NTM: variants seen among roughly 807,000 people sequenced by gnomAD.
NTM encodes the protein neurotrimin, also known as IgLON family member 2.
In NTM, 13 loss-of-function variants were observed where a neutral mutation model predicts 42.1. The observed-to-expected ratio is 0.31, with a 90% CI of 0.20 to 0.49. NTM has a LOEUF of 0.49. NTM is among the 20% of genes least tolerant of loss of function. The probability of loss-of-function intolerance (pLI) is 0.99; values close to 1 mark genes in which losing one functional copy is unlikely to be tolerated. For missense variants in NTM, 373 were observed against 452.8 expected (o/e 0.82, Z 1.60); for synonymous variants, 187 against 179.2 (o/e 1.04, Z -0.35).
intron 2 of NTM, among the ~76,000 whole-genome samples, chr11:132,113,058 T>G (rs1238444161): frequency 6.6e-6 from 1 of 152,108 alleles, no homozygotes; most frequent in Non-Finnish European, 1.5e-5. Context: ...CCAGTCATCC[T>G]CTCCTAGGTA....
intron 7 of NTM, among the ~76,000 whole-genome samples, chr11:132,321,012 A>G (rs7950517): frequency 0.011 from 1,660 of 147,250 alleles, 31 homozygotes; most frequent in African/African-American, 0.041. Context: ...CATCCACACC[A>G]AAAACCCATC....
intron 3 of NTM, among the ~76,000 whole-genome samples, chr11:132,149,987 T>A (rs2071490894): frequency 6.6e-6 from 1 of 152,192 alleles, no homozygotes; most frequent in Admixed American, 6.5e-5. Flanking sequence ...TGCATTACTA[T>A]AAAGGAATGC....
At chr11:132,209,812 G>A (rs983592700) in intron 3 of NTM, among the ~76,000 whole-genome samples, 1 of 152,146 alleles carries the variant, frequency 6.6e-6, no homozygotes, top group African/African-American at 2.4e-5. Flanking sequence ...TCAGCAACAA[G>A]GGCATGGGGA....
intron 1 of NTM, among the ~76,000 whole-genome samples, chr11:131,874,030 A>ATATATATATTTATATATATATATATATAT (rs1555162935): frequency 1.3e-5 from 1 of 76,632 alleles, no homozygotes; most frequent in Non-Finnish European, 2.9e-5. Context: ...AATATAATAT[A>ATATATATATTTATATATATATATATATAT]ATATATATAT....
intron 2 of NTM, among the ~76,000 whole-genome samples, chr11:132,065,042 A>G (rs2081236747): frequency 6.6e-6 from 1 of 152,190 alleles, no homozygotes; most frequent in South Asian, 2.1e-4. Flanking sequence ...GGTTAGGGGA[A>G]TGGCACATTC....
intron 1 of NTM, among the ~76,000 whole-genome samples, chr11:131,768,509 AC>A (rs1400823342): frequency 2.0e-5 from 3 of 152,220 alleles, no homozygotes. Context: ...TGTGATCCAT[AC>A]ATCAGGGTGA....
At chr11:132,211,475 T>A (rs750321151) in intron 3 of NTM, among the ~76,000 whole-genome samples, 2 of 152,182 alleles carry the variant, frequency 1.3e-5, no homozygotes, top group Non-Finnish European at 2.9e-5. Flanking sequence ...CCAAATACTT[T>A]ATGCCCAGAC....
At chr11:132,216,700 C>A (rs893142588) in intron 4 of NTM, among the ~76,000 whole-genome samples, 2 of 152,200 alleles carry the variant, frequency 1.3e-5, no homozygotes, top group East Asian at 1.9e-4. Flanking sequence ...TGCCTAGCAC[C>A]TAGGAAGTGT....
At chr11:131,677,450 T>C (rs564148824) in intron 1 of NTM, among the ~76,000 whole-genome samples, 3 of 152,166 alleles carry the variant, frequency 2.0e-5, no homozygotes, top group African/African-American at 7.2e-5. Context: ...TAGAACTGCA[T>C]AGTGAGATTG....
intron 4 of NTM, among the ~76,000 whole-genome samples, chr11:132,248,717 C>T (rs997249224): frequency 1.3e-5 from 2 of 152,230 alleles, no homozygotes; most frequent in Non-Finnish European, 2.9e-5. Context: ...AAAGCAATTT[C>T]AGCTGAAGGC....
intron 2 of NTM, among the ~76,000 whole-genome samples, chr11:132,114,390 G>C (rs373568579): frequency 6.6e-6 from 1 of 152,170 alleles, no homozygotes; most frequent in Non-Finnish European, 1.5e-5. Context: ...CCACGAGAGG[G>C]CAATGCAGGG....
intron 1 of NTM, among the ~76,000 whole-genome samples, chr11:131,565,971 G>A (rs1400684327): frequency 6.6e-6 from 1 of 152,124 alleles, no homozygotes; most frequent in East Asian, 1.9e-4. Context: ...GAAAACACTG[G>A]GTTTTAGAAA....
intron 1 of NTM, among the ~76,000 whole-genome samples, chr11:131,398,002 A>T (rs1944745978): frequency 6.6e-6 from 1 of 152,218 alleles, no homozygotes; most frequent in African/African-American, 2.4e-5. Flanking sequence ...ATTCTTTCAA[A>T]GGTTGTATCA....
chr11:131,577,552 C>T (rs765216039), intron 1 of NTM, among the ~76,000 whole-genome samples: 21 of 152,162 alleles, frequency 1.4e-4, no homozygotes, highest in Non-Finnish European at 2.2e-4. Context: ...TTGCATTTCA[C>T]TTTTTCAAGA....
intron 2 of NTM, among the ~76,000 whole-genome samples, chr11:132,138,115 C>T (rs73036005): frequency 4.6e-4 from 70 of 152,280 alleles, no homozygotes; most frequent in Non-Finnish European, 9.0e-4. Context: ...TTGGCAGCCG[C>T]CTCAACACTT....
In NTM at chr11:132,335,721, C is replaced by G. The variant is rs1005522018; in HGVS notation, c.*575C>G. 6.7e-6 allele frequency: 1 copy of G among 149,508 alleles called. No homozygotes were observed. Among genetic ancestry groups the G allele is most frequent in the African/African-American group, 2.5e-5 (1 of 39,332 alleles). 9.3% of individuals were successfully genotyped at this position (149,508 alleles called of 1,614,324 possible). Reference sequence around the variant, plus strand: ...TCCCACAAACAAGTCACAAAAGATACCGTTAAACTTTTTTTTTTTTTTATC... The same window carrying G: ...TCCCACAAACAAGTCACAAAAGATAGCGTTAAACTTTTTTTTTTTTTTATC... On this transcript the variant is annotated 3_prime_UTR_variant, in exon 9 of 9. Coordinates refer to ENST00000683400, the MANE Select transcript of NTM (RefSeq NM_001352005.2).
intron 1 of NTM, among the ~76,000 whole-genome samples, chr11:131,576,506 C>T (rs1010368950): frequency 9.9e-5 from 15 of 152,284 alleles, no homozygotes; most frequent in East Asian, 1.9e-4. Flanking sequence ...CCTGTCTTTC[C>T]GCTTCTTCCT....
At chr11:131,971,688 A>G (rs1364430797) in intron 2 of NTM, among the ~76,000 whole-genome samples, 1 of 151,784 alleles carries the variant, frequency 6.6e-6, no homozygotes, top group African/African-American at 2.4e-5. Context: ...TGTAAAACTG[A>G]TATATTAAAA....
rs367570595 is a variant in NTM, at chr11:131,803,596, C to CA, written c.83-107967dup. On this transcript the variant is annotated intron_variant, in intron 1 of 8. Transcript: ENST00000683400. The stretch of plus-strand genomic sequence containing the variant: ...AAGTGCTGGGATTACAGGTGTAAGC[C>CA]ACTGCGCCCGGCCATCACTGACTTA... 2.5e-3 allele frequency among the ~76,000 whole-genome samples: 381 copies of CA among 152,330 alleles called. 7 individuals carry two copies. Among genetic ancestry groups the CA allele is most frequent in the African/African-American group, 8.5e-3 (355 of 41,566 alleles).
Sources: gnomAD v4.1 joint callset for allele counts (sites outside exome capture counted in the v4.1 genomes callset) on GRCh38, gnomAD v4.1.1 for gene constraint, MANE v1.5 for transcripts, NCBI Gene and HGNC (gene_info 2026-07-23, HGNC 2026-07-21) for gene names.